The following HCN1 variants were observed in gnomAD, a reference collection of about 807,000 sequenced individuals.
The protein encoded by HCN1 is hyperpolarization activated cyclic nucleotide gated potassium channel 1.
HCN1 carries 13 observed loss-of-function variants against 78.9 expected under a neutral mutation model. That is an observed-to-expected ratio of 0.16 (90% CI 0.11 to 0.26). The LOEUF (loss-of-function observed/expected upper bound fraction) is 0.26. Ranked by LOEUF, HCN1 falls within the 10% of genes least tolerant of loss-of-function variation. The pLI, the probability that HCN1 is intolerant of heterozygous loss-of-function variation, is 1.00. For missense variants in HCN1, 810 were observed against 1,154.3 expected (o/e 0.70, Z 4.32); for synonymous variants, 552 against 455.5 (o/e 1.21, Z -2.70).
chr5:45,602,756 C>T (rs142074195), intron 2 of HCN1, among the ~76,000 whole-genome samples: 82 of 152,220 alleles, frequency 5.4e-4, no homozygotes, highest in African/African-American at 1.6e-3. Flanking sequence ...GAGGCACCTT[C>T]TCCAAGTGTT....
At position 45,569,619 on chromosome 5, in the gene HCN1, C is replaced by A. The variant is rs1743783500; in HGVS notation, c.849+75566G>T. Among the ~76,000 whole-genome samples, 4 of 152,124 alleles carry A rather than the reference C, an allele frequency of 2.6e-5. No individual in the cohort carries two copies. In the South Asian group the frequency reaches 8.3e-4, roughly 32 times the overall value. On this transcript the variant is annotated intron_variant, in intron 2 of 7. Transcript: ENST00000303230. The stretch of plus-strand genomic sequence containing the variant: ...TTACAAAAGAAATAAAAACTGCTCA[C>A]TATATAGTTCTCAACTAATACAAGA...
intron 2 of HCN1, among the ~76,000 whole-genome samples, chr5:45,592,221 T>C (rs1361940717): frequency 6.6e-6 from 1 of 152,102 alleles, no homozygotes; most frequent in Admixed American, 6.6e-5. Flanking sequence ...TGAAGTCAGG[T>C]AGTGTTAGTC....
intron 2 of HCN1, among the ~76,000 whole-genome samples, chr5:45,494,245 C>T (rs1304239396): frequency 6.6e-6 from 1 of 152,054 alleles, no homozygotes; most frequent in Non-Finnish European, 1.5e-5. Context: ...TATTTCTCCA[C>T]ATCCTCTCCA....
intron 2 of HCN1, among the ~76,000 whole-genome samples, chr5:45,536,007 T>G (rs1212421820): frequency 6.6e-6 from 1 of 152,178 alleles, no homozygotes; most frequent in East Asian, 1.9e-4. Context: ...GGTTGTTGTT[T>G]TTTAGTTTTG....
intron 6 of HCN1, among the ~76,000 whole-genome samples, chr5:45,276,238 C>T (rs1366103478): frequency 6.6e-6 from 1 of 152,038 alleles, no homozygotes; most frequent in African/African-American, 2.4e-5. Flanking sequence ...CACATGCACA[C>T]ATGATAAAAT....
intron 5 of HCN1, among the ~76,000 whole-genome samples, chr5:45,312,223 C>A (rs1445290268): frequency 2.0e-5 from 3 of 152,092 alleles, no homozygotes; most frequent in African/African-American, 7.2e-5. Flanking sequence ...AAACGGTAAC[C>A]CTGCTAAAGG....
intron 2 of HCN1, among the ~76,000 whole-genome samples, chr5:45,537,699 G>A (rs528329484): frequency 1.5e-3 from 229 of 151,500 alleles, no homozygotes; most frequent in African/African-American, 5.3e-3. Flanking sequence ...CACCATGCCT[G>A]GCTAATTTTT....
At chr5:45,478,453 T>A (rs999068433) in intron 2 of HCN1, among the ~76,000 whole-genome samples, 2 of 152,184 alleles carry the variant, frequency 1.3e-5, no homozygotes, top group Non-Finnish European at 2.9e-5. Flanking sequence ...ACAGATGGCT[T>A]GTCCGAAGAG....
chr5:45,375,977 ATATAT>A (rs564839768), intron 4 of HCN1, among the ~76,000 whole-genome samples: 3,531 of 118,422 alleles, frequency 0.03, 226 homozygotes, highest in African/African-American at 0.11. Flanking sequence ...ATTTTATCAC[ATATAT>A]TATATATGAT....
In HCN1 at chr5:45,696,084, CT is replaced by C; in HGVS notation, c.9del (p.Gly4AlafsTer144). The C allele has an allele frequency of 7.4e-7, 1 of 1,351,252 alleles. No homozygotes were observed. Among genetic ancestry groups the C allele is most frequent in the South Asian group, 1.5e-5 (1 of 68,032 alleles). The allele number at this position is 1,351,252 out of a possible 1,614,324, so 83.7% of individuals were successfully genotyped here. ME[G>X]GGKPNSSSNS... is the part of the protein sequence containing the mutation. ...TTAGACGAAGAGTTGGGCTTGCCGCCTCCTTCCATGCCCGGAGGACGCGGCC... is the reference window on the plus strand; with the variant it reads ...TTAGACGAAGAGTTGGGCTTGCCGCCCCTTCCATGCCCGGAGGACGCGGCC... On this transcript the variant is annotated frameshift_variant, in exon 1 of 8. Transcript: ENST00000303230. LOFTEE classifies it high-confidence loss of function.
intron 4 of HCN1, among the ~76,000 whole-genome samples, chr5:45,372,212 TA>T (rs1747407755): frequency 4.2e-5 from 3 of 72,178 alleles, no homozygotes; most frequent in African/African-American, 1.3e-4. Context: ...ACATATTATA[TA>T]ATATAATATA....
intron 2 of HCN1, chr5:45,575,909 T>C (rs1743932949): frequency 6.6e-6 from 1 of 152,100 alleles, no homozygotes; most frequent in Non-Finnish European, 1.5e-5. Flanking sequence ...TATTTTTATA[T>C]ATTTATGAAG....
chr5:45,386,125 A>G (rs1747902496), intron 4 of HCN1, among the ~76,000 whole-genome samples: 1 of 151,728 alleles, frequency 6.6e-6, no homozygotes, highest in African/African-American at 2.4e-5. Flanking sequence ...GTTGCTGAAT[A>G]TTATACTTAT....
intron 2 of HCN1, among the ~76,000 whole-genome samples, chr5:45,479,648 AT>A (rs1741605565): frequency 6.6e-6 from 1 of 152,186 alleles, no homozygotes; most frequent in Non-Finnish European, 1.5e-5. Context: ...TAATTGTGGT[AT>A]TTAGGTAGGT....
intron 1 of HCN1, among the ~76,000 whole-genome samples, chr5:45,683,259 T>C (rs1255793660): frequency 1.3e-5 from 2 of 152,130 alleles, no homozygotes; most frequent in Non-Finnish European, 2.9e-5. Flanking sequence ...TTAGGGTATA[T>C]AGCTTATGTT....
At chr5:45,429,727 G>A (rs1257600578) in intron 3 of HCN1, among the ~76,000 whole-genome samples, 1 of 152,164 alleles carries the variant, frequency 6.6e-6, no homozygotes, top group East Asian at 1.9e-4. Context: ...AGTGGCTGTG[G>A]TAGGCTGGCA....
intron 5 of HCN1, among the ~76,000 whole-genome samples, chr5:45,328,173 T>G (rs760080959): frequency 2.0e-5 from 3 of 151,656 alleles, no homozygotes; most frequent in African/African-American, 7.3e-5. Context: ...ACACACAAAT[T>G]GAATGCCTTT....
intron 2 of HCN1, among the ~76,000 whole-genome samples, chr5:45,467,855 G>T (rs866436360): frequency 1.3e-5 from 2 of 152,038 alleles, no homozygotes; most frequent in Non-Finnish European, 2.9e-5. Context: ...AATTGAAAAA[G>T]AATCTTCACT....
intron 6 of HCN1, among the ~76,000 whole-genome samples, chr5:45,299,043 T>A (rs1379825143): frequency 1.3e-5 from 2 of 152,016 alleles, no homozygotes; most frequent in Non-Finnish European, 2.9e-5. Flanking sequence ...ACAAGATACC[T>A]TAACCAGTGC....
Sources: gnomAD v4.1 joint callset for allele counts (sites outside exome capture counted in the v4.1 genomes callset) on GRCh38, gnomAD v4.1.1 for gene constraint, MANE v1.5 for transcripts, NCBI Gene and HGNC (gene_info 2026-07-23, HGNC 2026-07-21) for gene names.